NOLC1: variants seen among roughly 807,000 people sequenced by gnomAD.
The protein encoded by NOLC1 is nucleolar and coiled-body phosphoprotein 1.
A neutral mutation model predicts 73.4 loss-of-function variants in NOLC1; 37 were observed. The ratio of observed to expected loss-of-function variants is 0.50; its 90% CI spans 0.39 to 0.66. The LOEUF (loss-of-function observed/expected upper bound fraction) is 0.66, where lower values mean the gene tolerates loss of function less well. Among genes scored for constraint, NOLC1 ranks in the 30% least tolerant of loss-of-function variants. The pLI is 0.00. For synonymous variants in NOLC1, 327 were observed against 302.6 expected (o/e 1.08, Z -0.84); for missense variants, 921 against 838.9 (o/e 1.10, Z -1.21).
chr10:102,153,954 C>G (rs1318950630), intron 1 of NOLC1, among the ~76,000 whole-genome samples: 2 of 151,232 alleles, frequency 1.3e-5, no homozygotes, highest in Non-Finnish European at 2.9e-5. Context: ...ATTACAGGCG[C>G]GAGCCACCGT....
In NOLC1 at chr10:102,158,057, T is replaced by C; in HGVS notation, c.450T>C (p.Val150=). The change falls in exon 5 of 13, where the codon GTT becomes GTC. Residue 150 remains valine, a synonymous_variant. Coordinates refer to ENST00000605788, the MANE Select transcript of NOLC1 (RefSeq NM_004741.5). ...TGTGTCTTTTCTAACAGAAGGGAGT[T>C]AAGCCCCAAGCCAAGGCAGCCAAAG... is the stretch of plus-strand genomic sequence containing the variant. ...DQKKQPVQKG[V]KPQAKAAKAP... 1 of 1,613,836 alleles carries C rather than the reference T, an allele frequency of 6.2e-7. No individual in the cohort carries two copies. Among genetic ancestry groups the C allele is most frequent in the East Asian group, 2.2e-5 (1 of 44,878 alleles).
At chr10:102,159,166 ACT>A (rs753991435) in intron 5 of NOLC1, 25 bp from the exon 6 acceptor site, 4 of 1,609,362 alleles carry the variant, frequency 2.5e-6, no homozygotes, top group African/African-American at 2.7e-5. Context: ...AATACTCCTT[ACT>A]CTTTCTTTTT....
rs568805310 is a variant in NOLC1 at position 102,161,844 on chromosome 10, G to A, written c.1860G>A (p.Arg620=). Residue 620 remains arginine (R), a synonymous_variant, in exon 12 of 13, where the codon AGG becomes AGA. Transcript: ENST00000605788. ...TFPKRKKGEK[R]ASSPFRRVRE... Reference sequence around the variant, plus strand: ...TCATTCTTCTGTAGGGAGAAAAAAGGGCATCATCCCCATTCCGAAGGGTCA... The same window carrying A: ...TCATTCTTCTGTAGGGAGAAAAAAGAGCATCATCCCCATTCCGAAGGGTCA... 6.2e-7 allele frequency: 1 copy of A among 1,613,994 alleles called. No homozygotes were observed. Among genetic ancestry groups the A allele is most frequent in the East Asian group, 2.2e-5 (1 of 44,874 alleles).
rs2069683663 is a variant in NOLC1 at position 102,160,495 on chromosome 10, T to C, written c.1143T>C (p.Ala381=). The C allele has an allele frequency of 1.9e-6, 3 of 1,614,068 alleles. No individual in the cohort carries two copies. Among genetic ancestry groups the C allele is most frequent in the East Asian group, 2.2e-5 (1 of 44,902 alleles). ...ATGATGAAGCTCCTTCTAAGCCAGC[T>C]GGTACCACCAAGAATTCTTCAAATA... ...SEDDEAPSKP[A]GTTKNSSNKP... is the part of the protein sequence containing the mutation. The change falls in exon 10 of 13, where the codon GCT becomes GCC. Residue 381 remains alanine (A), a synonymous_variant. Coordinates refer to ENST00000605788, the MANE Select transcript of NOLC1 (RefSeq NM_004741.5).
In NOLC1 at chr10:102,158,301, A is replaced by C. The variant is rs2069634172; in HGVS notation, c.607+87A>C. On this transcript the variant is annotated intron_variant, in intron 5 of 12. Transcript: ENST00000605788. ...AAATTGCCGATTTGGCACAGGGGTG[A>C]AATGGTACTGTTTGTTGAACTGGAG... 4.3e-6 allele frequency: 5 copies of C among 1,151,402 alleles called. No homozygotes were observed. In the Admixed American group the frequency reaches 1.1e-4, roughly 26 times the overall value. The allele number at this position is 1,151,402 out of a possible 1,614,324, so 71.3% of individuals were successfully genotyped here.
chr10:102,159,638 C>T, intron 7 of NOLC1, 70 bp downstream of exon 7: 1 of 1,501,906 alleles, frequency 6.7e-7, no homozygotes, highest in South Asian at 1.2e-5. Flanking sequence ...ACATGGACCT[C>T]TCCATAGAGG....
intron 1 of NOLC1, among the ~76,000 whole-genome samples, chr10:102,156,019 G>A (rs1055037836): frequency 6.7e-6 from 1 of 150,124 alleles, no homozygotes; most frequent in South Asian, 2.1e-4. Flanking sequence ...ACCACACCCG[G>A]CTAAGAGACA....
Position 102,158,194 on chromosome 10 carries a change from C to T in NOLC1, c.587C>T (p.Thr196Ile). Reference protein sequence around the residue: ...KITPVTVKAQTKAPPKPARAA... With the variant: ...KITPVTVKAQIKAPPKPARAA... The stretch of plus-strand genomic sequence containing the variant: ...ACACCTGTGACAGTTAAAGCTCAGA[C>T]TAAAGCCCCTCCCAAACCAGGTACT... Residue 196 changes from threonine (T) to isoleucine (I), a missense_variant, in exon 5 of 13, where the codon ACT (threonine) becomes ATT (isoleucine). Physicochemically the swap from Thr to Ile is moderately conservative, Grantham distance 89. Coordinates refer to ENST00000605788, the MANE Select transcript of NOLC1 (RefSeq NM_004741.5). 1 of 1,614,138 alleles carries T rather than the reference C, an allele frequency of 6.2e-7. No homozygotes were observed. The highest frequency in any genetic ancestry group is 8.5e-7 in the Non-Finnish European group (1 of 1,179,996).
At chr10:102,156,215 C>G (rs150305363) in intron 1 of NOLC1, among the ~76,000 whole-genome samples, 1 of 152,182 alleles carries the variant, frequency 6.6e-6, no homozygotes, top group Non-Finnish European at 1.5e-5. Context: ...TGTTTGTACC[C>G]TCAAGTAATG....
At chr10:102,152,647 G>C in intron 1 of NOLC1, 117 bp downstream of exon 1, 2 of 1,444,978 alleles carry the variant, frequency 1.4e-6, no homozygotes, top group African/African-American at 2.8e-5. Context: ...GTGTCTGCAA[G>C]GCCTTTACGC....
chr10:102,155,432 AG>A lies in NOLC1; in HGVS notation c.121-1585del, dbSNP rs2069579930. Among the ~76,000 whole-genome samples the A allele has an allele frequency of 3.3e-5, 5 of 149,974 alleles. No individual in the cohort carries two copies. In the South Asian group the frequency reaches 1.0e-3, roughly 31 times the overall value. ...AGATGGAGGTCTCACTGTCTTGCCC[AG>A]GCTGGTCTTGAACTCCTGTCCTTAA... On this transcript the variant is annotated intron_variant, in intron 1 of 12. Coordinates refer to ENST00000605788, the MANE Select transcript of NOLC1 (RefSeq NM_004741.5).
At chr10:102,153,173 T>G (rs1438906502) in intron 1 of NOLC1, among the ~76,000 whole-genome samples, 4 of 152,210 alleles carry the variant, frequency 2.6e-5, no homozygotes, top group Non-Finnish European at 5.9e-5. Flanking sequence ...CCGGGCAGTT[T>G]ATTTAACCTT....
At chr10:102,160,145 G>A in intron 8 of NOLC1, 88 bp from the exon 9 acceptor site, 21 of 1,593,876 alleles carry the variant, frequency 1.3e-5, no homozygotes, top group Non-Finnish European at 1.8e-5. Context: ...CAGAGCTAAG[G>A]CTCTGTGCGT....
At chr10:102,158,312 T>G in intron 5 of NOLC1, 98 bp downstream of exon 5, 2 of 959,210 alleles carry the variant, frequency 2.1e-6, no homozygotes, top group Non-Finnish European at 3.0e-6. Context: ...AATGGTACTG[T>G]TTGTTGAACT....
chr10:102,161,733 C>T (rs551198512), intron 11 of NOLC1, 71 bp downstream of exon 11: 5 of 1,536,056 alleles, frequency 3.3e-6, no homozygotes, highest in South Asian at 1.1e-5. Flanking sequence ...ATCTTGACAG[C>T]TCTGCCTGGC....
intron 7 of NOLC1, 83 bp from the exon 8 acceptor site, chr10:102,159,813 T>TAC: frequency 1.5e-6 from 2 of 1,368,584 alleles, no homozygotes; most frequent in Non-Finnish European, 2.0e-6. Context: ...TGAAGGGGAA[T>TAC]TAAGCTTCAT....
At chr10:102,156,456 T>A (rs1212914555) in intron 1 of NOLC1, among the ~76,000 whole-genome samples, 3 of 150,806 alleles carry the variant, frequency 2.0e-5, no homozygotes, top group Non-Finnish European at 4.4e-5. Flanking sequence ...AAATGGAGTC[T>A]TGCTCTTGTT....
chr10:102,154,895 G>A lies in NOLC1; in HGVS notation c.121-2124G>A, dbSNP rs747949726. Among the ~76,000 whole-genome samples, 11 of 152,142 alleles carry A rather than the reference G, an allele frequency of 7.2e-5. No homozygotes were observed. In the East Asian group the frequency reaches 1.5e-3, roughly 21 times the overall value. ...TTCTTTTAGAGGGTCTCACTCTGTC[G>A]CCCAGGCTGGAGTAAAGTGATGCAA... On this transcript the variant is annotated intron_variant, in intron 1 of 12. Transcript: ENST00000605788.
At position 102,157,504 on chromosome 10, in the gene NOLC1, A is replaced by G. The variant is rs766235890; in HGVS notation, c.390A>G (p.Glu130=). 2 of 1,614,174 alleles carry G rather than the reference A, an allele frequency of 1.2e-6. No individual in the cohort carries two copies. Among genetic ancestry groups the G allele is most frequent in the South Asian group, 2.2e-5 (2 of 91,080 alleles). ...AAKASESSSS[E]ESSDDDDEED... is the part of the protein sequence containing the mutation. ...AAGCATCAGAGAGTAGCAGCAGTGA[A>G]GAGTCCAGTGATGATGATGATGAGG... The change falls in exon 4 of 13, where the codon GAA becomes GAG. Residue 130 remains glutamate (E), a synonymous_variant. Transcript: ENST00000605788.
Sources: allele counts gnomAD v4.1 joint callset (sites outside exome capture counted in the v4.1 genomes callset), GRCh38; gene constraint gnomAD v4.1.1; transcripts MANE v1.5; gene names NCBI Gene and HGNC (gene_info 2026-07-23, HGNC 2026-07-21).